Variants in SGCZ observed in about 807,000 individuals in gnomAD.
SGCZ encodes zeta-sarcoglycan.
In SGCZ, 40 loss-of-function variants were observed where a neutral mutation model predicts 41.3. The ratio of observed to expected loss-of-function variants is 0.97; its 90% CI spans 0.75 to 1.26. The LOEUF (loss-of-function observed/expected upper bound fraction) is 1.26, where lower values mean the gene tolerates loss of function less well. Among genes scored for constraint, SGCZ ranks in the 50% most tolerant of loss-of-function variants. SGCZ has a pLI of 0.00. For synonymous variants in SGCZ, 206 were observed against 137.5 expected (o/e 1.50, Z -3.49); for missense variants, 552 against 369.8 (o/e 1.49, Z -4.04).
intron 4 of SGCZ, among the ~76,000 whole-genome samples, chr8:14,201,311 G>C (rs543899203): frequency 6.6e-6 from 1 of 152,072 alleles, no homozygotes; most frequent in Non-Finnish European, 1.5e-5. Context: ...CACAAAAAAA[G>C]CCTGTATGCA....
At chr8:14,602,706 T>A (rs1003240339) in intron 1 of SGCZ, among the ~76,000 whole-genome samples, 1 of 152,196 alleles carries the variant, frequency 6.6e-6, no homozygotes, top group Non-Finnish European at 1.5e-5. Context: ...CAGCATTTTA[T>A]ATCCTGTTAT....
At chr8:14,344,708 A>G in intron 2 of SGCZ, among the ~76,000 whole-genome samples, 1 of 152,138 alleles carries the variant, frequency 6.6e-6, no homozygotes, top group Middle Eastern at 3.4e-3. Context: ...ACTAGAATTA[A>G]TATAACGACT....
intron 2 of SGCZ, among the ~76,000 whole-genome samples, chr8:14,428,467 G>A (rs1799851072): frequency 6.6e-6 from 1 of 151,934 alleles, no homozygotes; most frequent in East Asian, 1.9e-4. Flanking sequence ...CCTAACTGTG[G>A]TGGTATATTA....
At chr8:14,158,295 G>A (rs1273548064) in intron 5 of SGCZ, among the ~76,000 whole-genome samples, 1 of 152,118 alleles carries the variant, frequency 6.6e-6, no homozygotes, top group African/African-American at 2.4e-5. Flanking sequence ...CAGCAAAAGA[G>A]ATTTTGCAGA....
intron 1 of SGCZ, among the ~76,000 whole-genome samples, chr8:15,195,955 T>G (rs1800714690): frequency 8.6e-6 from 1 of 116,878 alleles, no homozygotes; most frequent in Admixed American, 1.0e-4. Flanking sequence ...TGGAGTGCAG[T>G]GGCGCGATCT....
chr8:15,071,704 A>T (rs193104417), intron 1 of SGCZ, among the ~76,000 whole-genome samples: 1 of 152,330 alleles, frequency 6.6e-6, no homozygotes, highest in African/African-American at 2.4e-5. Context: ...CCAACCTCAA[A>T]GTTAAAATAA....
intron 1 of SGCZ, among the ~76,000 whole-genome samples, chr8:15,051,540 T>C (rs1365661796): frequency 6.6e-6 from 1 of 152,132 alleles, no homozygotes; most frequent in East Asian, 1.9e-4. Context: ...GGATTGGAAT[T>C]GTGGAGTGCT....
At chr8:14,293,902 A>G (rs1366937248) in intron 3 of SGCZ, among the ~76,000 whole-genome samples, 1 of 151,830 alleles carries the variant, frequency 6.6e-6, no homozygotes, top group Non-Finnish European at 1.5e-5. Flanking sequence ...TAAAATATTT[A>G]TTTTAATAAA....
chr8:14,085,441 G>A lies in SGCZ; in HGVS notation c.*5002C>T, dbSNP rs963501716. On this transcript the variant is annotated 3_prime_UTR_variant, in exon 8 of 8. Transcript: ENST00000382080. ...CTGTTTGGTTTTTATTTATAAATAC[G>A]CAAACAAATGAGATACTAAGACTGA... Among the ~76,000 whole-genome samples the A allele has an allele frequency of 2.6e-5, 4 of 151,222 alleles. No individual in the cohort carries two copies. Among genetic ancestry groups the A allele is most frequent in the Admixed American group, 6.6e-5 (1 of 15,138 alleles).
At chr8:14,791,773 GT>G (rs1369900606) in intron 1 of SGCZ, among the ~76,000 whole-genome samples, 1 of 152,140 alleles carries the variant, frequency 6.6e-6, no homozygotes, top group African/African-American at 2.4e-5. Context: ...AGAGCTATAG[GT>G]TCCAATGAGC....
intron 2 of SGCZ, among the ~76,000 whole-genome samples, chr8:14,498,280 T>G (rs1802050362): frequency 6.6e-6 from 1 of 152,178 alleles, no homozygotes; most frequent in Admixed American, 6.6e-5. Flanking sequence ...ATTTATATTT[T>G]AAATGGAATT....
rs560421315 is a variant in SGCZ, at chr8:14,235,373, C to T, written c.424+2219G>A. 9.9e-5 allele frequency among the ~76,000 whole-genome samples: 15 copies of T among 152,260 alleles called. No homozygotes were observed. The South Asian group carries it at 1.4e-3, about 15-fold the overall frequency. On this transcript the variant is annotated intron_variant, in intron 4 of 7. Coordinates refer to ENST00000382080, the MANE Select transcript of SGCZ (RefSeq NM_139167.4). ...CCTCAGTAGAATAAATGCATTTCTC[C>T]GCACAACAAGCTGCTGTGTCATTAA...
intron 2 of SGCZ, among the ~76,000 whole-genome samples, chr8:14,440,921 A>G (rs557347018): frequency 6.6e-6 from 1 of 152,008 alleles, no homozygotes; most frequent in Admixed American, 6.6e-5. Flanking sequence ...ATTTCATTAG[A>G]TCTCCTGTTA....
intron 1 of SGCZ, among the ~76,000 whole-genome samples, chr8:14,561,039 G>C (rs1338212001): frequency 6.6e-6 from 1 of 151,938 alleles, no homozygotes; most frequent in African/African-American, 2.4e-5. Context: ...TCTTTTAAAA[G>C]TTCCTTTTTT....
At chr8:14,154,518 G>T (rs904194779) in intron 5 of SGCZ, among the ~76,000 whole-genome samples, 1 of 152,278 alleles carries the variant, frequency 6.6e-6, no homozygotes, top group Non-Finnish European at 1.5e-5. Flanking sequence ...CATGTTACCC[G>T]TGGTTTATTA....
At chr8:14,141,935 G>T (rs991505278) in intron 5 of SGCZ, among the ~76,000 whole-genome samples, 26 of 152,202 alleles carry the variant, frequency 1.7e-4, no homozygotes, top group African/African-American at 6.0e-4. Context: ...AACAATGATA[G>T]ACTGGATTAA....
At chr8:15,013,961 G>C (rs999000326) in intron 1 of SGCZ, among the ~76,000 whole-genome samples, 6 of 152,160 alleles carry the variant, frequency 3.9e-5, no homozygotes, top group African/African-American at 1.2e-4. Context: ...CCTCAAGATG[G>C]GATAAACGGA....
Position 14,445,542 on chromosome 8 carries a change from C to T in SGCZ, c.234+109190G>A, listed in dbSNP as rs1224783872. ...GGGGAACACTACTTACCCCACCTGCCCCCTTCTCCAGCTGCCCTCTCCACT... is the reference window on the plus strand; with the variant it reads ...GGGGAACACTACTTACCCCACCTGCTCCCTTCTCCAGCTGCCCTCTCCACT... On this transcript the variant is annotated intron_variant, in intron 2 of 7. Coordinates refer to ENST00000382080, the MANE Select transcript of SGCZ (RefSeq NM_139167.4). Among the ~76,000 whole-genome samples, 4 of 152,044 alleles carry T rather than the reference C, an allele frequency of 2.6e-5. No homozygotes were observed. The East Asian group carries it at 7.7e-4, about 29-fold the overall frequency.
At chr8:14,135,466 C>T (rs1054451958) in intron 5 of SGCZ, among the ~76,000 whole-genome samples, 9 of 152,072 alleles carry the variant, frequency 5.9e-5, no homozygotes, top group Non-Finnish European at 8.8e-5. Flanking sequence ...GATAACAGGG[C>T]TTTCTCCCAG....
Sources: allele counts gnomAD v4.1 joint callset (sites outside exome capture counted in the v4.1 genomes callset), GRCh38; gene constraint gnomAD v4.1.1; transcripts MANE v1.5; gene names NCBI Gene and HGNC (gene_info 2026-07-23, HGNC 2026-07-21).